Variants in PRRC2C observed in about 807,000 individuals in gnomAD.
PRRC2C encodes the protein protein PRRC2C.
A neutral mutation model predicts 317.2 loss-of-function variants in PRRC2C; 72 were observed. The observed-to-expected ratio is 0.23, with a 90% CI of 0.19 to 0.28. The LOEUF (loss-of-function observed/expected upper bound fraction) is 0.28. PRRC2C is among the 10% of genes least tolerant of loss of function. PRRC2C has a pLI of 1.00. For synonymous variants in PRRC2C, 1,296 were observed against 1,205.9 expected, an observed-to-expected ratio of 1.07 and a Z score of -1.55; for missense variants, 3,074 against 3,459.7, an observed-to-expected ratio of 0.89 and a Z score of 2.80.
chr1:171,494,232 G>A (rs951692815), intron 1 of PRRC2C, among the ~76,000 whole-genome samples: 2 of 152,176 alleles, frequency 1.3e-5, no homozygotes, highest in African/African-American at 4.8e-5. Flanking sequence ...CTACATTTCT[G>A]TTCTGATTGT....
At chr1:171,496,128 T>A (rs556532776) in intron 1 of PRRC2C, among the ~76,000 whole-genome samples, 2 of 149,298 alleles carry the variant, frequency 1.3e-5, no homozygotes, top group Admixed American at 1.3e-4. Flanking sequence ...CATATGAATG[T>A]CAGGGGGGCA....
At chr1:171,530,332 C>T (rs944396849) in intron 11 of PRRC2C, among the ~76,000 whole-genome samples, 2 of 146,596 alleles carry the variant, frequency 1.4e-5, no homozygotes, top group African/African-American at 2.5e-5. Flanking sequence ...CAGCCTAAAC[C>T]TCCTGGGCTC....
intron 24 of PRRC2C, among the ~76,000 whole-genome samples, 164 bp downstream of exon 24, chr1:171,571,585 C>G (rs1044058907): frequency 2.6e-4 from 39 of 152,206 alleles, no homozygotes; most frequent in Admixed American, 2.0e-4. Context: ...TTATTAGCTT[C>G]TGATACCACT....
At chr1:171,568,122 T>G (rs1024764278) in intron 22 of PRRC2C, 125 bp from the exon 23 acceptor site, 3 of 1,300,498 alleles carry the variant, frequency 2.3e-6, no homozygotes, top group Non-Finnish European at 2.0e-6. Context: ...AAGGCAGAGG[T>G]TGCAGTGAGC....
chr1:171,545,946 C>T (rs1679039859), intron 17 of PRRC2C, among the ~76,000 whole-genome samples: 1 of 152,114 alleles, frequency 6.6e-6, no homozygotes, highest in Non-Finnish European at 1.5e-5. Context: ...TTGCACTGTT[C>T]TTCCAAAAAA....
intron 1 of PRRC2C, among the ~76,000 whole-genome samples, chr1:171,493,970 T>C (rs1168211778): frequency 6.6e-6 from 1 of 152,224 alleles, no homozygotes; most frequent in Non-Finnish European, 1.5e-5. Flanking sequence ...GGAGTAGATA[T>C]TATAGCCCAC....
chr1:171,486,021 C>T (rs559006677), intron 1 of PRRC2C, among the ~76,000 whole-genome samples: 3 of 152,176 alleles, frequency 2.0e-5, no homozygotes, highest in East Asian at 1.9e-4. Flanking sequence ...CCACCTAGAC[C>T]CCAGTCCTGG....
In PRRC2C at chr1:171,587,165, T is replaced by G. The variant is rs1650236512; in HGVS notation, c.7912T>G (p.Phe2638Val). The G allele has an allele frequency of 6.2e-6, 10 of 1,610,406 alleles. No individual in the cohort carries two copies. Among genetic ancestry groups the G allele is most frequent in the Non-Finnish European group, 7.6e-6 (9 of 1,178,472 alleles). Residue 2638 changes from phenylalanine to valine, a missense_variant, in exon 31 of 35, where the codon TTC becomes GTC. Phe to Val is a conservative substitution (Grantham distance 50, BLOSUM62 -1). Around this residue, in one of 11 missense-constraint regions of PRRC2C, gnomAD observed 490 missense variants for 663.1 expected, o/e 0.74. Coordinates refer to ENST00000647382, the MANE Select transcript of PRRC2C (RefSeq NM_001387844.1). ...LSRPAQVSQP[F>V]RGLIPAGTQH... ...TCGTCCTGCACAAGTAAGCCAGCCT[T>G]TCAGAGGATTAATTCCTGCTGGAAC...
intron 11 of PRRC2C, among the ~76,000 whole-genome samples, chr1:171,528,863 G>A (rs1049836449): frequency 1.3e-5 from 2 of 151,940 alleles, no homozygotes; most frequent in Admixed American, 6.6e-5. Context: ...CCAGGCTGGA[G>A]TGCAGTGGTG....
At position 171,541,084 on chromosome 1, in the gene PRRC2C, T is replaced by C. The variant is rs763581514; in HGVS notation, c.3618T>C (p.Tyr1206=). 6.2e-6 allele frequency: 10 copies of C among 1,613,576 alleles called. No individual in the cohort carries two copies. Among genetic ancestry groups the C allele is most frequent in the Middle Eastern group, 1.6e-4 (1 of 6,082 alleles). The part of the protein sequence containing the change: ...YSRGRSYRGS[Y]GGRGRGGRGH... Reference sequence around the variant, plus strand: ...GAGGTCGAAGCTATAGAGGTTCTTATGGAGGGCGTGGCAGGGGTGGTAGGG... The same window carrying C: ...GAGGTCGAAGCTATAGAGGTTCTTACGGAGGGCGTGGCAGGGGTGGTAGGG... The change falls in exon 16 of 35, where the codon TAT becomes TAC. Residue 1206 remains tyrosine (Y), a synonymous_variant. Coordinates refer to ENST00000647382, the MANE Select transcript of PRRC2C (RefSeq NM_001387844.1). The surrounding 1 kb of genome is among the most constrained non-coding windows in gnomAD (Gnocchi z 4.1).
At position 171,591,881 on chromosome 1, in the gene PRRC2C, G is replaced by A. The variant is rs1255478096; in HGVS notation, c.*34G>A. ...GTTTATTGCAGGGGATTGGGAGGGGGGCGGGAAAACATGGAGAATTAAGTC... is the reference window on the plus strand; with the variant it reads ...GTTTATTGCAGGGGATTGGGAGGGGAGCGGGAAAACATGGAGAATTAAGTC... On this transcript the variant is annotated 3_prime_UTR_variant, in exon 35 of 35. Transcript: ENST00000647382. The A allele has an allele frequency of 4.4e-5, 24 of 548,526 alleles. No individual in the cohort carries two copies. The highest frequency in any genetic ancestry group is 6.4e-5 in the Non-Finnish European group (20 of 314,632). The allele number at this position is 548,526 out of a possible 1,614,324, so 34.0% of individuals were successfully genotyped here. A position where few individuals can be genotyped will look rare whatever the true frequency, so the allele number is the denominator to read the frequency against.
chr1:171,506,686 T>G (rs1198226173), intron 1 of PRRC2C, among the ~76,000 whole-genome samples: 1 of 109,650 alleles, frequency 9.1e-6, no homozygotes, highest in Non-Finnish European at 2.0e-5. Context: ...ATTTTTTTTC[T>G]TTGTGTGTGT....
At chr1:171,567,248 T>C (rs562299356) in intron 22 of PRRC2C, among the ~76,000 whole-genome samples, 2 of 152,236 alleles carry the variant, frequency 1.3e-5, no homozygotes, top group South Asian at 4.1e-4. Flanking sequence ...TTTTTTTTCA[T>C]AGTTGGAACA....
chr1:171,515,959 C>T (rs550507452), intron 5 of PRRC2C, 100 bp downstream of exon 5: 113 of 1,300,274 alleles, frequency 8.7e-5, no homozygotes, highest in Non-Finnish European at 1.0e-4. Flanking sequence ...TTGCCTACTT[C>T]GAAAAGGCAG....
chr1:171,496,158 C>T (rs1668050216), intron 1 of PRRC2C, among the ~76,000 whole-genome samples: 1 of 148,666 alleles, frequency 6.7e-6, no homozygotes, highest in Admixed American at 6.8e-5. Context: ...CCATCAGCAC[C>T]CCTGCCCCCT....
At chr1:171,531,744 C>T (rs984722093) in intron 11 of PRRC2C, among the ~76,000 whole-genome samples, 6 of 152,150 alleles carry the variant, frequency 3.9e-5, no homozygotes, top group African/African-American at 9.7e-5. Flanking sequence ...TTCTCCACTC[C>T]GGGTTCTAGA....
rs559326106 is a variant in PRRC2C, at chr1:171,557,507, A to G, written c.5395A>G (p.Thr1799Ala). ...ASTLAPVLAS[T>A]SAPVPASPLA... Reference sequence around the variant, plus strand: ...AACTTTAGCTCCAGTTCTGGCCTCAACCTCAGCTCCAGTTCCAGCCTCACC... The same window carrying G: ...AACTTTAGCTCCAGTTCTGGCCTCAGCCTCAGCTCCAGTTCCAGCCTCACC... The change falls in exon 19 of 35, where the codon ACC becomes GCC. Residue 1799 changes from threonine to alanine, a missense_variant. Thr to Ala is a moderately conservative substitution (Grantham distance 58). Around this residue, in one of 11 missense-constraint regions of PRRC2C, gnomAD observed 640 missense variants for 676.1 expected, o/e 0.95. Transcript: ENST00000647382. 1 of 1,550,576 alleles carries G rather than the reference A, an allele frequency of 6.4e-7. No homozygotes were observed. The highest frequency in any genetic ancestry group is 2.4e-5 in the East Asian group (1 of 40,908).
chr1:171,589,363 A>G lies in PRRC2C; in HGVS notation c.8200-6A>G. On this transcript the variant is annotated splice_polypyrimidine_tract_variant and splice_region_variant and intron_variant, in intron 33 of 34. Transcript: ENST00000647382. ...CAATGTTGTATGTTTTGTTTTTTTCACTCAGATTCTCTCCCAGCCTAACCT... is the reference window on the plus strand; with the variant it reads ...CAATGTTGTATGTTTTGTTTTTTTCGCTCAGATTCTCTCCCAGCCTAACCT... 8.3e-7 allele frequency: 1 copy of G among 1,205,602 alleles called. No individual in the cohort carries two copies. The highest frequency in any genetic ancestry group is 1.1e-6 in the Non-Finnish European group (1 of 930,926). 74.7% of individuals were successfully genotyped at this position (1,205,602 alleles called of 1,614,324 possible).
intron 16 of PRRC2C, among the ~76,000 whole-genome samples, chr1:171,543,693 C>A (rs1028073462): frequency 6.6e-6 from 1 of 152,192 alleles, no homozygotes; most frequent in Non-Finnish European, 1.5e-5. Flanking sequence ...CTTAGCACTT[C>A]AGATTACTAT....
Sources: allele counts gnomAD v4.1 joint callset (sites outside exome capture counted in the v4.1 genomes callset), GRCh38; gene constraint gnomAD v4.1.1; regional missense constraint gnomAD v4.1.1; non-coding constraint Gnocchi (gnomAD v3.1); transcripts MANE v1.5; gene names NCBI Gene and HGNC (gene_info 2026-07-23, HGNC 2026-07-21).